The following ERP44 variants were observed in gnomAD, a reference collection of about 807,000 sequenced individuals.
ERP44 encodes the protein endoplasmic reticulum resident protein 44.
In ERP44, 25 loss-of-function variants were observed where a neutral mutation model predicts 53.4. The ratio of observed to expected loss-of-function variants is 0.47; its 90% confidence interval spans 0.34 to 0.65. ERP44 has a LOEUF of 0.65. ERP44 is among the 30% of genes least tolerant of loss of function. The probability of loss-of-function intolerance (pLI) is 0.01; values close to 1 mark genes in which losing one functional copy is unlikely to be tolerated. For missense variants in ERP44, 338 were observed against 493.2 expected (o/e 0.69, Z 2.98); for synonymous variants, 145 against 161.2 (o/e 0.90, Z 0.76).
intron 4 of ERP44, among the ~76,000 whole-genome samples, chr9:100,046,891 A>C (rs1009492227): frequency 5.3e-5 from 8 of 152,224 alleles, no homozygotes; most frequent in Non-Finnish European, 1.0e-4. Flanking sequence ...AAGCTATAGT[A>C]ATCTACGAAG....
chr9:100,007,722 G>A (rs1830435716), intron 8 of ERP44, 33 bp from the exon 9 acceptor site: 1 of 1,115,968 alleles, frequency 9.0e-7, no homozygotes, highest in Non-Finnish European at 1.4e-6. Flanking sequence ...AGAATTATCA[G>A]GCTTCTCCAT....
At chr9:100,078,956 T>C (rs541002088) in intron 1 of ERP44, among the ~76,000 whole-genome samples, 26 of 152,302 alleles carry the variant, frequency 1.7e-4, no homozygotes, top group African/African-American at 5.8e-4. Context: ...TCATTGCCTT[T>C]ATTTAAAGAT....
chr9:100,006,032 T>C (rs1830421918), intron 10 of ERP44, among the ~76,000 whole-genome samples: 1 of 152,246 alleles, frequency 6.6e-6, no homozygotes, highest in African/African-American at 2.4e-5. Flanking sequence ...TTCATAGCTA[T>C]ATGCCATTAG....
chr9:99,999,131 G>C (rs1830349280), intron 10 of ERP44: 1 of 603,478 alleles, frequency 1.7e-6, no homozygotes, highest in Admixed American at 2.7e-5. Context: ...CTGAGGCACA[G>C]TGTACCGCGC....
intron 8 of ERP44, among the ~76,000 whole-genome samples, chr9:100,009,262 T>C (rs796264722): frequency 6.6e-5 from 10 of 152,184 alleles, no homozygotes; most frequent in African/African-American, 1.9e-4. Context: ...CAAGTGCACA[T>C]CACCATGCCC....
At chr9:100,014,251 C>A (rs1830506277) in intron 8 of ERP44, among the ~76,000 whole-genome samples, 1 of 152,128 alleles carries the variant, frequency 6.6e-6, no homozygotes. Context: ...GTTAGGTCCA[C>A]AAGCTAAAAT....
chr9:99,991,566 A>G (rs1382112317), intron 10 of ERP44, among the ~76,000 whole-genome samples: 2 of 152,256 alleles, frequency 1.3e-5, no homozygotes, highest in Non-Finnish European at 2.9e-5. Context: ...AAAGCAGGAA[A>G]GATCTAAAAT....
At chr9:99,990,758 T>C (rs1266736495) in intron 10 of ERP44, among the ~76,000 whole-genome samples, 1 of 152,156 alleles carries the variant, frequency 6.6e-6, no homozygotes, top group Non-Finnish European at 1.5e-5. Flanking sequence ...GTGTGCTGTA[T>C]TCAGGAGACC....
chr9:100,067,051 G>C (rs1464389313), intron 1 of ERP44, among the ~76,000 whole-genome samples: 3 of 152,206 alleles, frequency 2.0e-5, no homozygotes, highest in African/African-American at 7.2e-5. Flanking sequence ...TCTTGGTCAT[G>C]TGAGAACCAA....
At position 100,060,517 on chromosome 9, in the gene ERP44, TTAAAGTA is replaced by T. The variant is rs943153892; in HGVS notation, c.58-352_58-346del. ...AAAAAATTTGTGAGATTATCAGTGT[TTAAAGTA>T]TAAACATAAAAACCAAAGCTAAGTC... is the stretch of plus-strand genomic sequence containing the variant. On this transcript the variant is annotated intron_variant, in intron 1 of 11. Coordinates refer to ENST00000262455, the MANE Select transcript of ERP44 (RefSeq NM_015051.3). Among the ~76,000 whole-genome samples, 14 of 152,334 alleles carry T rather than the reference TTAAAGTA, an allele frequency of 9.2e-5. No homozygotes were observed. The Middle Eastern group carries it at 0.01, about 111-fold the overall frequency.
intron 1 of ERP44, among the ~76,000 whole-genome samples, chr9:100,078,619 G>A (rs1291564261): frequency 6.6e-6 from 1 of 152,032 alleles, no homozygotes; most frequent in African/African-American, 2.4e-5. Flanking sequence ...GCTGGGCGTG[G>A]TAGCAGGCAC....
At chr9:100,045,234 C>A (rs1238184312) in intron 4 of ERP44, among the ~76,000 whole-genome samples, 1 of 152,178 alleles carries the variant, frequency 6.6e-6, no homozygotes, top group African/African-American at 2.4e-5. Context: ...CTTGAAAATT[C>A]CTACTCTTCC....
intron 11 of ERP44, among the ~76,000 whole-genome samples, chr9:99,983,396 T>A (rs985016949): frequency 6.6e-6 from 1 of 151,264 alleles, no homozygotes; most frequent in Non-Finnish European, 1.5e-5. Context: ...ATACAAAAAA[T>A]TAGCCGGGCG....
intron 1 of ERP44, among the ~76,000 whole-genome samples, chr9:100,089,227 C>T (rs1167394497): frequency 6.6e-6 from 1 of 152,076 alleles, no homozygotes; most frequent in African/African-American, 2.4e-5. Flanking sequence ...GTTCAAAAAC[C>T]CATACTTTAC....
intron 4 of ERP44, among the ~76,000 whole-genome samples, chr9:100,033,774 G>C (rs1321239726): frequency 6.6e-6 from 1 of 152,146 alleles, no homozygotes; most frequent in Non-Finnish European, 1.5e-5. Context: ...AGAAGCAAGA[G>C]GGATGGATAT....
intron 11 of ERP44, among the ~76,000 whole-genome samples, chr9:99,983,998 CA>C (rs1239020362): frequency 6.6e-6 from 1 of 152,114 alleles, no homozygotes; most frequent in Non-Finnish European, 1.5e-5. Flanking sequence ...AAATACTATG[CA>C]GGCCTTCTTT....
At chr9:100,077,922 C>A (rs1826376176) in intron 1 of ERP44, among the ~76,000 whole-genome samples, 1 of 152,128 alleles carries the variant, frequency 6.6e-6, no homozygotes, top group Non-Finnish European at 1.5e-5. Context: ...GGCCCAGACA[C>A]TTCAGGAATG....
chr9:99,998,813 T>G (rs1337184209), intron 10 of ERP44: 2 of 1,069,472 alleles, frequency 1.9e-6, no homozygotes, highest in Non-Finnish European at 2.8e-6. Context: ...AATTCTCTGC[T>G]TTTCTAATTT....
intron 1 of ERP44, among the ~76,000 whole-genome samples, chr9:100,067,800 A>G (rs1298239786): frequency 2.1e-5 from 3 of 144,180 alleles, no homozygotes; most frequent in African/African-American, 5.3e-5. Flanking sequence ...GTCTCTGCCC[A>G]GCCGCCCATC....
Sources: gnomAD v4.1 joint callset for allele counts (sites outside exome capture counted in the v4.1 genomes callset) on GRCh38, gnomAD v4.1.1 for gene constraint, MANE v1.5 for transcripts, NCBI Gene and HGNC (gene_info 2026-07-23, HGNC 2026-07-21) for gene names.